ZBTB16: variants seen among roughly 807,000 people sequenced by gnomAD.
The protein encoded by ZBTB16 is zinc finger and BTB domain-containing protein 16.
In ZBTB16, 8 loss-of-function variants were observed where a neutral mutation model predicts 56.8. The observed-to-expected ratio is 0.14, with a 90% CI of 0.08 to 0.25. The LOEUF (loss-of-function observed/expected upper bound fraction) is 0.25. ZBTB16 is among the 10% of genes least tolerant of loss of function. ZBTB16 has a pLI of 1.00. For synonymous variants in ZBTB16, 363 were observed against 368.5 expected (o/e 0.98, Z 0.17); for missense variants, 625 against 903.0 (o/e 0.69, Z 3.95).
At chr11:114,193,507 C>T (rs1022247944) in intron 4 of ZBTB16, among the ~76,000 whole-genome samples, 14 of 152,140 alleles carry the variant, frequency 9.2e-5, no homozygotes, top group Admixed American at 3.3e-4. Flanking sequence ...TGACTCTTTC[C>T]GACATGTGGC....
At chr11:114,088,589 A>T (rs1486016545) in intron 2 of ZBTB16, among the ~76,000 whole-genome samples, 1 of 152,122 alleles carries the variant, frequency 6.6e-6, no homozygotes, top group Non-Finnish European at 1.5e-5. Context: ...CATCATAGGT[A>T]TTCAGTACCT....
intron 4 of ZBTB16, chr11:114,209,530 C>T: frequency 1.0e-6 from 1 of 985,364 alleles, no homozygotes; most frequent in South Asian, 4.7e-5. Context: ...CCCTCCTGGC[C>T]TCTGACCCTG....
intron 2 of ZBTB16, among the ~76,000 whole-genome samples, chr11:114,103,884 G>A (rs985574871): frequency 8.5e-5 from 13 of 152,152 alleles, no homozygotes; most frequent in African/African-American, 1.4e-4. Context: ...TGACCCTAGC[G>A]TGTGGGTTTG....
chr11:114,138,404 A>G (rs562091109), intron 2 of ZBTB16, among the ~76,000 whole-genome samples: 2 of 152,332 alleles, frequency 1.3e-5, no homozygotes, highest in South Asian at 4.1e-4. Context: ...TGGAGCCTAC[A>G]TTCCAAACTT....
chr11:114,242,290 C>T lies in ZBTB16; in HGVS notation c.1577C>T (p.Thr526Ile). 6.2e-7 allele frequency: 1 copy of T among 1,614,072 alleles called. No homozygotes were observed. Among genetic ancestry groups the T allele is most frequent in the Non-Finnish European group, 8.5e-7 (1 of 1,180,042 alleles). Residue 526 changes from threonine to isoleucine, a missense_variant, in exon 5 of 7, where the codon ACC becomes ATC. Physicochemically the swap from Thr to Ile is moderately conservative, Grantham distance 89 (BLOSUM62 -1). Around this residue, in one of 6 missense-constraint regions of ZBTB16, gnomAD observed 140 missense variants for 214.8 expected, o/e 0.65. Transcript: ENST00000335953. ...TACATCTGCAGTGAGTGCAACCGCA[C>T]CTTCCCCAGCCACACGGCTCTCAAA... ...RSYICSECNR[T>I]FPSHTALKRH...
chr11:114,072,555 C>T (rs955418976), intron 2 of ZBTB16, among the ~76,000 whole-genome samples: 13 of 152,158 alleles, frequency 8.5e-5, no homozygotes, highest in African/African-American at 2.9e-4. Context: ...CCTTCCCTTT[C>T]CTGCCTGTCA....
In ZBTB16 at chr11:114,115,737, C is replaced by T. The variant is rs116639803; in HGVS notation, c.1269-40600C>T. 7.2e-3 allele frequency among the ~76,000 whole-genome samples: 1,093 copies of T among 152,306 alleles called. 14 individuals are homozygous for T. The highest frequency in any genetic ancestry group is 0.023 in the African/African-American group (974 of 41,560). On this transcript the variant is annotated intron_variant, in intron 2 of 6. Transcript: ENST00000335953. ...CAAAGACACTTCCACTGCCCCTTTA[C>T]AGAAACACAACTGCTGTGGCTGTCC...
chr11:114,162,839 G>C (rs1591733580), intron 3 of ZBTB16, among the ~76,000 whole-genome samples: 1 of 152,294 alleles, frequency 6.6e-6, no homozygotes, highest in South Asian at 2.1e-4. Flanking sequence ...GGTGAAGGGA[G>C]CCACTTTCCC....
intron 4 of ZBTB16, among the ~76,000 whole-genome samples, chr11:114,197,775 C>A (rs1486534449): frequency 5.3e-5 from 8 of 151,994 alleles, no homozygotes; most frequent in Non-Finnish European, 2.9e-5. Context: ...GGCTGGAGTG[C>A]AGAAGGCAGA....
At chr11:114,173,998 T>C (rs1364319990) in intron 3 of ZBTB16, among the ~76,000 whole-genome samples, 1 of 152,352 alleles carries the variant, frequency 6.6e-6, no homozygotes, top group Non-Finnish European at 1.5e-5. Context: ...AGAAGATCGT[T>C]TGTACGTTTT....
At chr11:114,091,776 C>T (rs1178814225) in intron 2 of ZBTB16, among the ~76,000 whole-genome samples, 2 of 152,110 alleles carry the variant, frequency 1.3e-5, no homozygotes, top group Non-Finnish European at 2.9e-5. Flanking sequence ...CTCCCCTTCC[C>T]CTTGTTTTTG....
At chr11:114,100,095 G>A (rs181735353) in intron 2 of ZBTB16, among the ~76,000 whole-genome samples, 1 of 152,326 alleles carries the variant, frequency 6.6e-6, no homozygotes, top group Admixed American at 6.5e-5. Context: ...CCCATGGACT[G>A]GGAACATGAT....
intron 2 of ZBTB16, among the ~76,000 whole-genome samples, chr11:114,091,628 CCCTT>C (rs747168846): frequency 1.4e-4 from 19 of 140,208 alleles, no homozygotes; most frequent in Non-Finnish European, 2.8e-4. Flanking sequence ...CTCCCTTCCT[CCCTT>C]CCTTCCTTCT....
chr11:114,141,418 T>C (rs985887352), intron 2 of ZBTB16, among the ~76,000 whole-genome samples: 1 of 152,216 alleles, frequency 6.6e-6, no homozygotes, highest in Non-Finnish European at 1.5e-5. Flanking sequence ...CCTCTGTCTC[T>C]TTCTCCATCT....
Position 114,156,515 on chromosome 11 carries a change from G to A in ZBTB16, c.1366+81G>A, listed in dbSNP as rs1049449742. The A allele has an allele frequency of 8.8e-6, 12 of 1,367,270 alleles. No homozygotes were observed. The African/African-American group carries it at 1.7e-4, about 19-fold the overall frequency. 84.7% of individuals were successfully genotyped at this position (1,367,270 alleles called of 1,614,324 possible). On this transcript the variant is annotated intron_variant, in intron 3 of 6. Transcript: ENST00000335953. Reference sequence around the variant, plus strand: ...CCTTTACCCCTCCTCAGAGCCTGCTGTGGCCTGCATGTCCCCACTGCCCGC... The same window carrying A: ...CCTTTACCCCTCCTCAGAGCCTGCTATGGCCTGCATGTCCCCACTGCCCGC...
At chr11:114,089,269 T>C (rs1481861538) in intron 2 of ZBTB16, among the ~76,000 whole-genome samples, 1 of 152,214 alleles carries the variant, frequency 6.6e-6, no homozygotes. Context: ...CAGGGATGTC[T>C]CATTTGTACA....
chr11:114,220,267 A>G (rs1475354826), intron 4 of ZBTB16, among the ~76,000 whole-genome samples: 2 of 152,238 alleles, frequency 1.3e-5, no homozygotes, highest in East Asian at 1.9e-4. Context: ...CTTGCCTGCT[A>G]TTCTCTAATG....
intron 2 of ZBTB16, among the ~76,000 whole-genome samples, chr11:114,155,267 TGG>T (rs1459988251): frequency 6.6e-6 from 1 of 152,212 alleles, no homozygotes; most frequent in Non-Finnish European, 1.5e-5. Flanking sequence ...GCGCAGAGAC[TGG>T]GGCGGAGGTG....
intron 4 of ZBTB16, among the ~76,000 whole-genome samples, chr11:114,236,850 A>G (rs765126781): frequency 1.3e-5 from 2 of 152,386 alleles, no homozygotes; most frequent in South Asian, 4.1e-4. Flanking sequence ...TCTATTAGGC[A>G]GAGCTGAAAG....
Sources: gnomAD v4.1 joint callset for allele counts (sites outside exome capture counted in the v4.1 genomes callset) on GRCh38, gnomAD v4.1.1 for gene constraint, gnomAD v4.1.1 regional missense constraint, MANE v1.5 for transcripts, NCBI Gene and HGNC (gene_info 2026-07-23, HGNC 2026-07-21) for gene names.